Variants in SIMC1 observed in about 807,000 individuals in gnomAD.
The protein encoded by SIMC1 is SUMO interacting motifs containing 1, also known as SUMO-interacting motif-containing protein 1.
SIMC1 carries 55 observed loss-of-function variants against 82.3 expected under a neutral mutation model. The ratio of observed to expected loss-of-function variants is 0.67; its 90% CI spans 0.54 to 0.84. SIMC1 has a LOEUF of 0.84. SIMC1 is among the 40% of genes least tolerant of loss of function. The pLI, the probability that SIMC1 is intolerant of heterozygous loss-of-function variation, is 0.00. For missense variants in SIMC1, 915 were observed against 1,107.2 expected (o/e 0.83, Z 2.46); for synonymous variants, 353 against 426.3 (o/e 0.83, Z 2.12).
intron 2 of SIMC1, among the ~76,000 whole-genome samples, chr5:176,293,851 T>C (rs1240469227): frequency 1.3e-5 from 2 of 152,184 alleles, no homozygotes; most frequent in East Asian, 1.9e-4. Flanking sequence ...AAGTGTGTTA[T>C]GGAAAAATTG....
intron 1 of SIMC1, among the ~76,000 whole-genome samples, chr5:176,254,771 T>C (rs1475091953): frequency 6.6e-6 from 1 of 151,994 alleles, no homozygotes; most frequent in African/African-American, 2.4e-5. Context: ...CATCCTGTTA[T>C]AAAGAGAGAG....
intron 1 of SIMC1, among the ~76,000 whole-genome samples, chr5:176,252,093 T>C (rs1346492669): frequency 2.6e-5 from 4 of 152,218 alleles, no homozygotes; most frequent in Admixed American, 6.5e-5. Context: ...AATGAGCTGT[T>C]GGGTACACCT....
intron 5 of SIMC1, among the ~76,000 whole-genome samples, chr5:176,321,864 A>T (rs1765172521): frequency 6.6e-6 from 1 of 151,452 alleles, no homozygotes; most frequent in Non-Finnish European, 1.5e-5. Context: ...ATTCAAAGAA[A>T]AATGTTGATA....
At chr5:176,242,484 A>G in intron 1 of SIMC1, among the ~76,000 whole-genome samples, 1 of 132,198 alleles carries the variant, frequency 7.6e-6, no homozygotes, top group East Asian at 1.9e-4. Context: ...CATTCAGGAC[A>G]TATCTTTTTC....
At chr5:176,279,541 T>C (rs2113215690) in intron 1 of SIMC1, among the ~76,000 whole-genome samples, 1 of 150,772 alleles carries the variant, frequency 6.6e-6, no homozygotes, top group South Asian at 2.1e-4. Flanking sequence ...GCTCTTGCTT[T>C]TCTAGTTCTT....
chr5:176,248,885 T>A (rs1761546421), intron 1 of SIMC1, among the ~76,000 whole-genome samples: 1 of 152,218 alleles, frequency 6.6e-6, no homozygotes, highest in Non-Finnish European at 1.5e-5. Context: ...TGTCATTGGT[T>A]CTGTCGATGG....
chr5:176,264,296 C>T (rs1322516891), intron 1 of SIMC1, among the ~76,000 whole-genome samples: 3 of 152,286 alleles, frequency 2.0e-5, no homozygotes, highest in Admixed American at 6.5e-5. Context: ...TCCAACCCCA[C>T]ATTTCCCCTT....
At chr5:176,252,173 C>A (rs1761682948) in intron 1 of SIMC1, among the ~76,000 whole-genome samples, 1 of 151,020 alleles carries the variant, frequency 6.6e-6, no homozygotes. Context: ...CAGAGGCGCC[C>A]CTCACCTCCC....
At chr5:176,296,538 G>A in intron 4 of SIMC1, 2 of 543,734 alleles carry the variant, frequency 3.7e-6, no homozygotes, top group East Asian at 3.3e-5. Flanking sequence ...GCATAGTGAT[G>A]CATGCCTGTG....
chr5:176,284,563 G>A (rs556572165), intron 1 of SIMC1, among the ~76,000 whole-genome samples: 1 of 152,310 alleles, frequency 6.6e-6, no homozygotes, highest in South Asian at 2.1e-4. Context: ...ATGCCCGCAA[G>A]AGAAAGCAGG....
chr5:176,302,677 T>C (rs906573656), intron 4 of SIMC1, among the ~76,000 whole-genome samples: 1 of 151,344 alleles, frequency 6.6e-6, no homozygotes, highest in Admixed American at 6.6e-5. Flanking sequence ...AAAAAAAAAC[T>C]AGTAAATGAA....
intron 1 of SIMC1, among the ~76,000 whole-genome samples, chr5:176,260,394 C>G (rs1400088873): frequency 1.3e-5 from 2 of 152,082 alleles, no homozygotes; most frequent in Non-Finnish European, 2.9e-5. Context: ...CAAAACCTCA[C>G]AAATCACCAC....
intron 7 of SIMC1, among the ~76,000 whole-genome samples, chr5:176,328,747 A>C (rs1258420600): frequency 2.0e-5 from 3 of 152,178 alleles, no homozygotes; most frequent in Non-Finnish European, 4.4e-5. Flanking sequence ...GAGAGCTAGC[A>C]TGGTGGCATG....
chr5:176,329,455 C>T (rs1233514842), intron 7 of SIMC1, among the ~76,000 whole-genome samples: 1 of 140,812 alleles, frequency 7.1e-6, no homozygotes, highest in East Asian at 2.1e-4. Context: ...CCAGCCTGGG[C>T]GAAAGAGTCC....
chr5:176,269,826 G>A (rs1762348838), intron 1 of SIMC1, among the ~76,000 whole-genome samples: 2 of 152,236 alleles, frequency 1.3e-5, no homozygotes, highest in South Asian at 4.1e-4. Flanking sequence ...GCTGACTGCA[G>A]CCTTGACCTC....
chr5:176,318,273 G>C (rs1001807714), intron 5 of SIMC1, among the ~76,000 whole-genome samples: 1 of 152,124 alleles, frequency 6.6e-6, no homozygotes, highest in Admixed American at 6.5e-5. Flanking sequence ...GAAGCCTCTG[G>C]TCCTTTTGTT....
intron 1 of SIMC1, among the ~76,000 whole-genome samples, chr5:176,268,334 C>A: frequency 1.0e-5 from 1 of 98,906 alleles, no homozygotes; most frequent in Non-Finnish European, 2.0e-5. Context: ...GTAAATAGAC[C>A]AAAATTCTAA....
At chr5:176,327,187 C>T (rs138464701) in intron 7 of SIMC1, among the ~76,000 whole-genome samples, 226 of 152,280 alleles carry the variant, frequency 1.5e-3, no homozygotes, top group Non-Finnish European at 2.3e-3. Flanking sequence ...TTAAAACAGA[C>T]AAACATGATT....
chr5:176,333,096 G>A (rs898987129), intron 7 of SIMC1, among the ~76,000 whole-genome samples: 2 of 152,196 alleles, frequency 1.3e-5, no homozygotes, highest in East Asian at 3.9e-4. Context: ...TTGATGTCAG[G>A]AGTTCAAGAC....
Sources: gnomAD v4.1 joint callset for allele counts (sites outside exome capture counted in the v4.1 genomes callset) on GRCh38, gnomAD v4.1.1 for gene constraint, MANE v1.5 for transcripts, NCBI Gene and HGNC (gene_info 2026-07-23, HGNC 2026-07-21) for gene names.